MED12L: variants seen among roughly 807,000 people sequenced by gnomAD.
MED12L encodes mediator of RNA polymerase II transcription subunit 12-like protein.
A neutral mutation model predicts 281.3 loss-of-function variants in MED12L; 60 were observed. That is an observed-to-expected ratio of 0.21 (90% confidence interval 0.17 to 0.26). The LOEUF (loss-of-function observed/expected upper bound fraction) is 0.26. MED12L is among the 10% of genes least tolerant of loss of function. The pLI is 1.00. For missense variants in MED12L, 2,146 were observed against 2,680.9 expected (o/e 0.80, Z 4.41); for synonymous variants, 974 against 987.2 (o/e 0.99, Z 0.25).
chr3:151,193,965 C>CTTTTTTT (rs34461662), intron 16 of MED12L, among the ~76,000 whole-genome samples: 9 of 123,506 alleles, frequency 7.3e-5, no homozygotes, highest in South Asian at 2.5e-4. Flanking sequence ...TTTTTCTTTT[C>CTTTTTTT]TTTTTTTTTT....
At chr3:151,419,118 G>A (rs1276736937) in intron 43 of MED12L, among the ~76,000 whole-genome samples, 1 of 152,158 alleles carries the variant, frequency 6.6e-6, no homozygotes, top group East Asian at 1.9e-4. Flanking sequence ...CCAAACACTA[G>A]TTCTTACTTT....
chr3:151,135,012 T>C (rs962808183), intron 5 of MED12L, among the ~76,000 whole-genome samples: 3 of 152,146 alleles, frequency 2.0e-5, no homozygotes, highest in Non-Finnish European at 4.4e-5. Context: ...ATAAGGATAA[T>C]TGACAGTACT....
At chr3:151,269,226 C>G (rs1391188430) in intron 16 of MED12L, among the ~76,000 whole-genome samples, 3 of 152,130 alleles carry the variant, frequency 2.0e-5, no homozygotes, top group Non-Finnish European at 4.4e-5. Context: ...CATGCAGAAA[C>G]CCCATCTCTA....
intron 16 of MED12L, chr3:151,270,084 AGAT>A (rs1000366101): frequency 3.5e-5 from 8 of 230,708 alleles, no homozygotes; most frequent in African/African-American, 1.4e-4. Flanking sequence ...AAGAAGATGA[AGAT>A]GATGATGAAA....
intron 20 of MED12L, among the ~76,000 whole-genome samples, chr3:151,359,448 G>A (rs937565518): frequency 1.3e-5 from 2 of 152,134 alleles, no homozygotes; most frequent in African/African-American, 4.8e-5. Flanking sequence ...TCCTCAAGAA[G>A]TCTCCTTGGT....
rs1719181039 is a variant in MED12L, at chr3:151,429,158, T to G, written c.6409-1141T>G. ...AGGCTACCTGACAGGAGCTGCAACC[T>G]TCCCGGTGTGGGGCGTGGCCAGCCA... On this transcript the variant is annotated intron_variant, in intron 43 of 44. Coordinates refer to ENST00000687756, the MANE Select transcript of MED12L (RefSeq NM_001393769.1). Among the ~76,000 whole-genome samples the G allele has an allele frequency of 2.0e-5, 3 of 152,188 alleles. No homozygotes were observed. In the South Asian group the frequency reaches 6.2e-4, roughly 32 times the overall value.
At chr3:151,406,180 CA>C (rs1335354893) in intron 39 of MED12L, among the ~76,000 whole-genome samples, 1 of 152,182 alleles carries the variant, frequency 6.6e-6, no homozygotes, top group African/African-American at 2.4e-5. Flanking sequence ...TTAATGTGGC[CA>C]AACCCATGCC....
intron 10 of MED12L, 123 bp from the exon 11 acceptor site, chr3:151,165,723 C>T (rs1308840305): frequency 1.8e-6 from 2 of 1,089,880 alleles, no homozygotes; most frequent in African/African-American, 1.6e-5. Flanking sequence ...TGTTTGATAA[C>T]ATATGCCAAG....
intron 5 of MED12L, among the ~76,000 whole-genome samples, chr3:151,137,562 GAC>G (rs1716330587): frequency 6.6e-6 from 1 of 152,216 alleles, no homozygotes; most frequent in African/African-American, 2.4e-5. Flanking sequence ...AATGGATGGA[GAC>G]ACACATATCT....
intron 16 of MED12L, among the ~76,000 whole-genome samples, chr3:151,248,461 A>G (rs1272471896): frequency 1.3e-5 from 2 of 152,044 alleles, no homozygotes; most frequent in African/African-American, 4.8e-5. Context: ...TCTTCAGTAT[A>G]TTCGTTCTTT....
At chr3:151,146,501 G>A (rs950657144) in intron 5 of MED12L, among the ~76,000 whole-genome samples, 3 of 152,136 alleles carry the variant, frequency 2.0e-5, no homozygotes, top group Non-Finnish European at 2.9e-5. Flanking sequence ...GTAGAGGGTC[G>A]TGGTAGGCAT....
chr3:151,144,039 C>T (rs985360862), intron 5 of MED12L, among the ~76,000 whole-genome samples: 3 of 152,198 alleles, frequency 2.0e-5, no homozygotes, highest in Non-Finnish European at 2.9e-5. Flanking sequence ...TTTCAGACTG[C>T]TATCTCATGC....
At chr3:151,284,350 C>T (rs1743191271) in intron 16 of MED12L, among the ~76,000 whole-genome samples, 1 of 151,988 alleles carries the variant, frequency 6.6e-6, no homozygotes, top group Non-Finnish European at 1.5e-5. Context: ...CATCTCTGCC[C>T]AGCAAATGAT....
At chr3:151,220,780 G>T (rs1319378616) in intron 16 of MED12L, among the ~76,000 whole-genome samples, 2 of 152,128 alleles carry the variant, frequency 1.3e-5, no homozygotes, top group African/African-American at 2.4e-5. Flanking sequence ...CCTGTTTCTG[G>T]TACATTTTTA....
At chr3:151,105,419 G>A (rs1721889822) in intron 2 of MED12L, among the ~76,000 whole-genome samples, 1 of 151,920 alleles carries the variant, frequency 6.6e-6, no homozygotes, top group Admixed American at 6.6e-5. Flanking sequence ...TTCGAGTCTG[G>A]TTCTGCCCTC....
intron 16 of MED12L, among the ~76,000 whole-genome samples, chr3:151,287,296 T>C (rs1743655634): frequency 6.6e-6 from 1 of 152,208 alleles, no homozygotes; most frequent in African/African-American, 2.4e-5. Context: ...CAGGTCTGCC[T>C]ACCTCCAAAA....
Position 151,424,647 on chromosome 3 carries a change from A to AC in MED12L, c.6409-5652_6409-5651insC, listed in dbSNP as rs1718662445. Among the ~76,000 whole-genome samples, 2 of 152,100 alleles carry AC rather than the reference A, an allele frequency of 1.3e-5. 1 individual carries two copies. The highest frequency in any genetic ancestry group is 4.1e-4 in the South Asian group (2 of 4,820). On this transcript the variant is annotated intron_variant, in intron 43 of 44. Coordinates refer to ENST00000687756, the MANE Select transcript of MED12L (RefSeq NM_001393769.1). ...AAAAAAACAAAACAAAACAAAACAA[A>AC]AAAACTCTATGCAAGTTACTAGTTA...
chr3:151,351,467 G>A (rs959719175), intron 17 of MED12L, among the ~76,000 whole-genome samples: 1 of 152,168 alleles, frequency 6.6e-6, no homozygotes, highest in African/African-American at 2.4e-5. Context: ...CAAGAGTTGT[G>A]GAAGGGAAAT....
At chr3:151,331,732 T>C (rs1235866972) in intron 16 of MED12L, among the ~76,000 whole-genome samples, 2 of 152,200 alleles carry the variant, frequency 1.3e-5, no homozygotes, top group African/African-American at 4.8e-5. Context: ...TAGTTAAAAA[T>C]CAGTAAAGTC....
Sources: gnomAD v4.1 joint callset for allele counts (sites outside exome capture counted in the v4.1 genomes callset) on GRCh38, gnomAD v4.1.1 for gene constraint, MANE v1.5 for transcripts, NCBI Gene and HGNC (gene_info 2026-07-23, HGNC 2026-07-21) for gene names.